Variants in CNRIP1 observed in about 807,000 individuals in gnomAD.
CNRIP1 encodes CB1 cannabinoid receptor-interacting protein 1.
A neutral mutation model predicts 15.2 loss-of-function variants in CNRIP1; 10 were observed. The ratio of observed to expected loss-of-function variants is 0.66; its 90% CI spans 0.41 to 1.12. The LOEUF is 1.12. Ranked by LOEUF, CNRIP1 falls within the 50% of genes most tolerant of loss-of-function variation. CNRIP1 has a pLI of 0.00. For missense variants in CNRIP1, 211 were observed against 214.7 expected, an observed-to-expected ratio of 0.98 and a Z score of 0.11; for synonymous variants, 91 against 83.2, an observed-to-expected ratio of 1.09 and a Z score of -0.51.
At position 68,305,274 on chromosome 2, in the gene CNRIP1, ATGTGTGTGTGTGTGTGTGTGTGTGTGTG is replaced by A. The variant is rs10601379; in HGVS notation, c.331-11276_331-11249del. On this transcript the variant is annotated intron_variant, in intron 2 of 2. Transcript: ENST00000263655. ...AAAAAAAAAAAATATATATATATAT[ATGTGTGTGTGTGTGTGTGTGTGTGTGTG>A]TGTGTGTGTGTACATATAAAACATA... Among the ~76,000 whole-genome samples the A allele has an allele frequency of 3.1e-4, 38 of 120,638 alleles. 2 individuals are homozygous for A. The highest frequency in any genetic ancestry group is 1.2e-3 in the African/African-American group (37 of 30,634). 79.1% of individuals were successfully genotyped at this position (120,638 alleles called of 152,430 possible).
intron 2 of CNRIP1, among the ~76,000 whole-genome samples, chr2:68,286,270 A>G (rs112397616): frequency 0.035 from 5,271 of 152,158 alleles, 112 homozygotes; most frequent in Admixed American, 0.08. Flanking sequence ...TATGAGTTAC[A>G]TTTCAAAGTG....
intron 2 of CNRIP1, among the ~76,000 whole-genome samples, chr2:68,310,175 A>C (rs1672022500): frequency 6.6e-6 from 1 of 152,128 alleles, no homozygotes; most frequent in Admixed American, 6.6e-5. Flanking sequence ...TAAAAATACA[A>C]AAATTAGCCA....
At chr2:68,288,016 C>T (rs943687937), downstream of CNRIP1, among the ~76,000 whole-genome samples, 9 of 152,048 alleles carry the variant, frequency 5.9e-5, no homozygotes, top group Admixed American at 2.6e-4. Flanking sequence ...GAACTAACCC[C>T]GTAAAGGCTA....
At chr2:68,297,567 CAAAAAAAAAA>C (rs112601365) in intron 2 of CNRIP1, among the ~76,000 whole-genome samples, 8 of 98,870 alleles carry the variant, frequency 8.1e-5, no homozygotes, top group East Asian at 2.3e-4. Context: ...GACACTGTCT[CAAAAAAAAAA>C]AAAAAAAAAA....
chr2:68,287,864 G>T (rs542380142), intron 2 of CNRIP1, among the ~76,000 whole-genome samples: 65 of 152,306 alleles, frequency 4.3e-4, no homozygotes, highest in African/African-American at 1.5e-3. Flanking sequence ...AAACTTCAAA[G>T]AATAACATAC....
chr2:68,310,164 A>G (rs1672022221), intron 2 of CNRIP1, among the ~76,000 whole-genome samples: 1 of 152,068 alleles, frequency 6.6e-6, no homozygotes, highest in African/African-American at 2.4e-5. Context: ...CCTGTCTCTA[A>G]TAAAAATACA....
chr2:68,306,568 G>C (rs1295305423), intron 2 of CNRIP1, among the ~76,000 whole-genome samples: 2 of 152,118 alleles, frequency 1.3e-5, no homozygotes, highest in African/African-American at 4.8e-5. Context: ...ATCACCTGAG[G>C]TCAGGAGTTT....
At chr2:68,301,439 T>A (rs1336870931) in intron 2 of CNRIP1, among the ~76,000 whole-genome samples, 1 of 152,098 alleles carries the variant, frequency 6.6e-6, no homozygotes, top group Non-Finnish European at 1.5e-5. Context: ...GACCGAGTGG[T>A]TTCCCTGTCA....
intron 2 of CNRIP1, among the ~76,000 whole-genome samples, chr2:68,313,688 TTC>T (rs1331738985): frequency 1.3e-5 from 2 of 152,124 alleles, no homozygotes; most frequent in African/African-American, 4.8e-5. Flanking sequence ...AATAGAAGTG[TTC>T]TGTTATCTTT....
rs566244025 is a variant in CNRIP1, at chr2:68,310,055, C to T, written c.330+7102G>A. On this transcript the variant is annotated intron_variant, in intron 2 of 2. Coordinates refer to ENST00000263655, the MANE Select transcript of CNRIP1 (RefSeq NM_015463.3). ...TAAAGAGTTTTGGATTGGCCAGGCA[C>T]GGTGGCTCACTCCTGTAATCCCAGC... is the stretch of plus-strand genomic sequence containing the variant. Among the ~76,000 whole-genome samples the T allele has an allele frequency of 8.7e-4, 132 of 152,288 alleles. 2 individuals are homozygous for T. In the South Asian group the frequency reaches 0.026, roughly 30 times the overall value.
rs548884260 is a variant in CNRIP1, at chr2:68,295,860, A to G, written c.331-1834T>C. ...TGTTGGTCAAAACTAATTGAACTGT[A>G]TGCTTAAGATGAGTCCATTTATTAC... On this transcript the variant is annotated intron_variant, in intron 2 of 2. Coordinates refer to ENST00000263655, the MANE Select transcript of CNRIP1 (RefSeq NM_015463.3). Among the ~76,000 whole-genome samples the G allele has an allele frequency of 1.2e-4, 19 of 152,352 alleles. No homozygotes were observed. The East Asian group carries it at 3.3e-3, about 26-fold the overall frequency.
At chr2:68,306,124 C>CAA (rs61586261) in intron 2 of CNRIP1, among the ~76,000 whole-genome samples, 6,547 of 25,206 alleles carry the variant, frequency 0.26, 1,733 homozygotes, top group Middle Eastern at 0.38. Flanking sequence ...CCCACCTCTA[C>CAA]AAAAAAAAAA....
At chr2:68,307,147 ACATAT>A (rs1671883835) in intron 2 of CNRIP1, among the ~76,000 whole-genome samples, 1 of 152,206 alleles carries the variant, frequency 6.6e-6, no homozygotes, top group Non-Finnish European at 1.5e-5. Flanking sequence ...TTGTCTAACT[ACATAT>A]CATTGTTACA....
At position 68,293,938 on chromosome 2, in the gene CNRIP1, A is replaced by G. The variant is rs763704662; in HGVS notation, c.419T>C (p.Phe140Ser). ...CTTGCATTCATACTCAATGACAGAG[A>G]AGGGGCTTCCCCACTGGCAGTGATC... ...KRDHCQWGSPFSVIEYECKPN... is the reference protein window; with the variant it reads ...KRDHCQWGSPSSVIEYECKPN... Residue 140 changes from phenylalanine (F) to serine (S), a missense_variant, in exon 3 of 3, where the codon TTC becomes TCC. Coordinates refer to ENST00000263655, the MANE Select transcript of CNRIP1 (RefSeq NM_015463.3). 9.3e-6 allele frequency: 15 copies of G among 1,614,104 alleles called. No homozygotes were observed. The highest frequency in any genetic ancestry group is 1.3e-5 in the Non-Finnish European group (15 of 1,180,020).
At chr2:68,289,404 A>C (rs1260758691), downstream of CNRIP1, among the ~76,000 whole-genome samples, 1 of 152,166 alleles carries the variant, frequency 6.6e-6, no homozygotes, top group East Asian at 1.9e-4. Flanking sequence ...TAGGAAAATA[A>C]GTTTTATTTT....
chr2:68,311,357 TGAA>T (rs1047496388), intron 2 of CNRIP1, among the ~76,000 whole-genome samples: 4 of 150,370 alleles, frequency 2.7e-5, no homozygotes. Flanking sequence ...TAGAAAACAA[TGAA>T]GTAGAAAAAC....
chr2:68,301,077 C>T (rs1269271986), intron 2 of CNRIP1, among the ~76,000 whole-genome samples: 2 of 152,126 alleles, frequency 1.3e-5, no homozygotes, highest in Non-Finnish European at 2.9e-5. Context: ...TAATTCCTGA[C>T]AAAAATATTA....
rs140940987 is a variant in CNRIP1, at chr2:68,300,042, C to T, written c.331-6016G>A. 1.4e-4 allele frequency among the ~76,000 whole-genome samples: 21 copies of T among 152,310 alleles called. No individual in the cohort carries two copies. The Middle Eastern group carries it at 0.01, about 74-fold the overall frequency. ...TGACTTTTAGTGTGGTGTGACCTATCAATTTCCACTGAATTTCAAGCCTTT... is the reference window on the plus strand; with the variant it reads ...TGACTTTTAGTGTGGTGTGACCTATTAATTTCCACTGAATTTCAAGCCTTT... On this transcript the variant is annotated intron_variant, in intron 2 of 2. Coordinates refer to ENST00000263655, the MANE Select transcript of CNRIP1 (RefSeq NM_015463.3).
intron 2 of CNRIP1, among the ~76,000 whole-genome samples, chr2:68,299,115 G>T (rs1261463479): frequency 6.6e-6 from 1 of 152,134 alleles, no homozygotes; most frequent in Admixed American, 6.5e-5. Context: ...TTTGCCCTCA[G>T]TCTAGACTCC....
Sources: allele counts gnomAD v4.1 joint callset (sites outside exome capture counted in the v4.1 genomes callset), GRCh38; gene constraint gnomAD v4.1.1; transcripts MANE v1.5; gene names NCBI Gene and HGNC (gene_info 2026-07-23, HGNC 2026-07-21).